EML1: variants seen among roughly 807,000 people sequenced by gnomAD.
EML1 encodes the protein EMAP like 1.
A neutral mutation model predicts 110.4 loss-of-function variants in EML1; 27 were observed. That is an observed-to-expected ratio of 0.24 (90% CI 0.18 to 0.34). The LOEUF (loss-of-function observed/expected upper bound fraction) is 0.34. Among genes scored for constraint, EML1 ranks in the 10% least tolerant of loss-of-function variants. The pLI, the probability that EML1 is intolerant of heterozygous loss-of-function variation, is 1.00. For missense variants in EML1, 741 were observed against 1,030.9 expected (o/e 0.72, Z 3.85); for synonymous variants, 344 against 385.8 (o/e 0.89, Z 1.27).
chr14:99,870,803 C>T (rs2059185059), intron 3 of EML1, among the ~76,000 whole-genome samples: 1 of 152,196 alleles, frequency 6.6e-6, no homozygotes, highest in Non-Finnish European at 1.5e-5. Context: ...GAAAAAGCTT[C>T]CTTTCCAAAT....
At position 99,940,181 on chromosome 14, in the gene EML1, G is replaced by A; in HGVS notation, c.*69G>A. The A allele has an allele frequency of 7.2e-7, 1 of 1,386,440 alleles. No individual in the cohort carries two copies. The highest frequency in any genetic ancestry group is 9.4e-7 in the Non-Finnish European group (1 of 1,067,176). The allele number at this position is 1,386,440 out of a possible 1,614,324, so 85.9% of individuals were successfully genotyped here. A position where few individuals can be genotyped will look rare whatever the true frequency, so the allele number is the denominator to read the frequency against. ...CAGACTCGCATTACCCTTGGTCACT[G>A]TGATTTCTGTTTTGTTTAAAAAATT... On this transcript the variant is annotated 3_prime_UTR_variant, in exon 22 of 22. Coordinates refer to ENST00000262233, the MANE Select transcript of EML1 (RefSeq NM_004434.3).
In EML1 at chr14:99,878,345, G is replaced by A. The variant is rs948104428; in HGVS notation, c.384-140G>A. The A allele has an allele frequency of 3.0e-5, 38 of 1,272,056 alleles. No individual in the cohort carries two copies. The African/African-American group carries it at 5.2e-4, about 18-fold the overall frequency. The allele number at this position is 1,272,056 out of a possible 1,614,324, so 78.8% of individuals were successfully genotyped here. A position where few individuals can be genotyped will look rare whatever the true frequency, so the allele number is the denominator to read the frequency against. Reference sequence around the variant, plus strand: ...GTTATTCTATGTGACACTCTGAAAAGCTTTTTGATCTCCGTTGCTAGGCCT... The same window carrying A: ...GTTATTCTATGTGACACTCTGAAAAACTTTTTGATCTCCGTTGCTAGGCCT... On this transcript the variant is annotated intron_variant, in intron 3 of 21. Coordinates refer to ENST00000262233, the MANE Select transcript of EML1 (RefSeq NM_004434.3).
rs796542324 is a variant in EML1, at chr14:99,911,388, A to C, written c.1340-34A>C. 2.6e-6 allele frequency: 4 copies of C among 1,549,302 alleles called. No homozygotes were observed. The African/African-American group carries it at 5.6e-5, about 22-fold the overall frequency. ...AAATGGGCAGAGGCAACCTTTTGAC[A>C]ATGTGCTAATGATGGTTTTCTTGGT... On this transcript the variant is annotated intron_variant, in intron 12 of 21. Transcript: ENST00000262233.
chr14:99,894,397 T>C (rs981956198), intron 5 of EML1: 2 of 300,680 alleles, frequency 6.7e-6, no homozygotes, highest in Non-Finnish European at 1.2e-5. Context: ...CCTTTTACAA[T>C]TTCGTAGGTA....
intron 3 of EML1, among the ~76,000 whole-genome samples, chr14:99,869,545 G>C (rs143120949): frequency 4.9e-4 from 74 of 152,296 alleles, no homozygotes; most frequent in African/African-American, 1.7e-3. Context: ...AGTGAAGGAA[G>C]AGTCATACAT....
rs781342353 is a variant in EML1 at position 99,936,082 on chromosome 14, G to C, written c.1963G>C (p.Val655Leu). 1.2e-6 allele frequency: 2 copies of C among 1,614,026 alleles called. No individual in the cohort carries two copies. Among genetic ancestry groups the C allele is most frequent in the Non-Finnish European group, 1.7e-6 (2 of 1,180,056 alleles). Residue 655 changes from valine (V) to leucine (L), a missense_variant, in exon 18 of 22, where the codon GTT becomes CTT. Transcript: ENST00000262233. The surrounding 1 kb of genome is among the most constrained non-coding windows in gnomAD (Gnocchi z 5.5). ...TGACAACTGCATCTATATATATGGC[G>C]TTAGTGACAACGGGAGGAAGTACAC... Reference protein sequence around the residue: ...SHDNCIYIYGVSDNGRKYTRV... With the variant: ...SHDNCIYIYGLSDNGRKYTRV...
rs376035064 is a variant in EML1, at chr14:99,909,517, C to G, written c.1239+38C>G. On this transcript the variant is annotated intron_variant, in intron 11 of 21. Coordinates refer to ENST00000262233, the MANE Select transcript of EML1 (RefSeq NM_004434.3). ...TATGATTTTTGCTTTATTTTTCTCTCGTATATGTGATTGGCTAGATGCATC... is the reference window on the plus strand; with the variant it reads ...TATGATTTTTGCTTTATTTTTCTCTGGTATATGTGATTGGCTAGATGCATC... 2.5e-5 allele frequency: 40 copies of G among 1,612,506 alleles called. No homozygotes were observed. The African/African-American group carries it at 4.8e-4, about 19-fold the overall frequency.
intron 13 of EML1, 35 bp from the exon 14 acceptor site, chr14:99,914,144 T>A (rs769330805): frequency 6.3e-7 from 1 of 1,588,932 alleles, no homozygotes; most frequent in Non-Finnish European, 8.6e-7. Context: ...AATGAAATTG[T>A]ACATCTTTTC....
At chr14:99,932,537 G>A (rs1432638743) in intron 17 of EML1, among the ~76,000 whole-genome samples, 1 of 151,862 alleles carries the variant, frequency 6.6e-6, no homozygotes, top group African/African-American at 2.4e-5. Flanking sequence ...TATCTGGAAG[G>A]CTGAGGCAGG....
At chr14:99,909,313 G>T in intron 10 of EML1, 32 bp from the exon 11 acceptor site, 1 of 1,614,116 alleles carries the variant, frequency 6.2e-7, no homozygotes, top group South Asian at 1.1e-5. Context: ...CTTAAGAGAT[G>T]TGAGGCATCC....
At chr14:99,918,762 C>T (rs1463841903) in intron 16 of EML1, among the ~76,000 whole-genome samples, 4 of 152,114 alleles carry the variant, frequency 2.6e-5, no homozygotes, top group African/African-American at 7.2e-5. Flanking sequence ...CTGCATCGCA[C>T]TATGATTGCA....
chr14:99,743,074 C>T (rs916040134), intron 1 of EML1, among the ~76,000 whole-genome samples: 25 of 152,168 alleles, frequency 1.6e-4, no homozygotes, highest in Non-Finnish European at 2.9e-4. Context: ...GTGCCCCTCA[C>T]GGCGCCCCTA....
intron 1 of EML1, among the ~76,000 whole-genome samples, chr14:99,823,925 T>G (rs1407218915): frequency 6.6e-6 from 1 of 152,146 alleles, no homozygotes; most frequent in African/African-American, 2.4e-5. Flanking sequence ...GTGTAGCTAC[T>G]AGGCCCCAAG....
chr14:99,844,690 C>A (rs544181698), intron 1 of EML1, among the ~76,000 whole-genome samples: 1 of 152,184 alleles, frequency 6.6e-6, no homozygotes, highest in South Asian at 2.1e-4. Context: ...GTGCAGTGTC[C>A]CCAACCCAGC....
chr14:99,903,671 A>C (rs2059795959), intron 9 of EML1, among the ~76,000 whole-genome samples: 1 of 152,180 alleles, frequency 6.6e-6, no homozygotes, highest in Non-Finnish European at 1.5e-5. Context: ...CCAATTTCCT[A>C]TTTGACAATG....
intron 10 of EML1, among the ~76,000 whole-genome samples, chr14:99,908,742 GACCCCAGGCCGGTTCACTGA>G (rs1280547018): frequency 6.6e-6 from 1 of 152,182 alleles, no homozygotes; most frequent in Non-Finnish European, 1.5e-5. Flanking sequence ...TACTCCATGG[GACCCCAGGCCGGTTCACTGA>G]GCCACAGGCA....
At chr14:99,871,383 C>T (rs2059201189) in intron 3 of EML1, among the ~76,000 whole-genome samples, 1 of 152,080 alleles carries the variant, frequency 6.6e-6, no homozygotes, top group South Asian at 2.1e-4. Flanking sequence ...CACAGTGGCT[C>T]ACACCTGTAA....
At chr14:99,909,194 T>A (rs2059906339) in intron 10 of EML1, 151 bp from the exon 11 acceptor site, 1 of 1,228,954 alleles carries the variant, frequency 8.1e-7, no homozygotes, top group South Asian at 1.2e-5. Flanking sequence ...CTTGATGTTT[T>A]TAGCAAGATG....
intron 1 of EML1, among the ~76,000 whole-genome samples, chr14:99,832,011 C>T (rs2058464313): frequency 6.6e-6 from 1 of 152,036 alleles, no homozygotes; most frequent in African/African-American, 2.4e-5. Flanking sequence ...ATGTTCATTG[C>T]CCCTAAAGTT....
Sources: allele counts gnomAD v4.1 joint callset (sites outside exome capture counted in the v4.1 genomes callset), GRCh38; gene constraint gnomAD v4.1.1; non-coding constraint Gnocchi (gnomAD v3.1); transcripts MANE v1.5; gene names NCBI Gene and HGNC (gene_info 2026-07-23, HGNC 2026-07-21).